The following TRAPPC9 variants were observed in gnomAD, a reference collection of about 807,000 sequenced individuals.
The protein encoded by TRAPPC9 is trafficking protein particle complex subunit 9.
TRAPPC9 carries 83 observed loss-of-function variants against 124.0 expected under a neutral mutation model. That is an observed-to-expected ratio of 0.67 (90% CI 0.56 to 0.80). The LOEUF (loss-of-function observed/expected upper bound fraction) is 0.80, where lower values mean the gene tolerates loss of function less well. TRAPPC9 is among the 30% of genes least tolerant of loss of function. The pLI is 0.00. For missense variants in TRAPPC9, 1,302 were observed against 1,508.3 expected, an observed-to-expected ratio of 0.86 and a Z score of 2.27; for synonymous variants, 638 against 617.5, an observed-to-expected ratio of 1.03 and a Z score of -0.49.
At position 139,732,026 on chromosome 8, in the gene TRAPPC9, G is replaced by A. The variant is rs1467454222; in HGVS notation, c.3232C>T (p.His1078Tyr). The A allele has an allele frequency of 6.2e-7, 1 of 1,602,344 alleles. No individual in the cohort carries two copies. The highest frequency in any genetic ancestry group is 8.5e-7 in the Non-Finnish European group (1 of 1,174,362). ...GAGCCCACGAAGGAGACGGTGTCGT[G>A]CAGGTCGTAGTTGTGCACGCCGTTC... is the stretch of plus-strand genomic sequence containing the variant. ...HQNGVHNYDL[H>Y]DTVSFVGSST... Residue 1078 changes from histidine to tyrosine, a missense_variant, in exon 22 of 23, where the codon CAC becomes TAC. Coordinates refer to ENST00000438773, the MANE Select transcript of TRAPPC9 (RefSeq NM_001160372.4).
intron 7 of TRAPPC9, among the ~76,000 whole-genome samples, chr8:140,379,398 T>C (rs2068539052): frequency 6.6e-6 from 1 of 152,208 alleles, no homozygotes; most frequent in Non-Finnish European, 1.5e-5. Flanking sequence ...GTTTCCTGGC[T>C]CTTGTGAAGG....
intron 21 of TRAPPC9, among the ~76,000 whole-genome samples, chr8:139,807,603 C>T (rs1348132138): frequency 6.6e-6 from 1 of 152,194 alleles, no homozygotes; most frequent in Non-Finnish European, 1.5e-5. Context: ...CCGGCGGAGG[C>T]ACTGCGGACG....
intron 17 of TRAPPC9, among the ~76,000 whole-genome samples, chr8:140,157,146 CTTTTCCATTCAGAAGCCTCCCT>C (rs1563804555): frequency 3.0e-5 from 2 of 67,124 alleles, no homozygotes; most frequent in South Asian, 4.6e-4. Context: ...AGAAGCCTCC[CTTTTCCATTCAGAAGCCTCCCT>C]TTTCCATTCA....
At chr8:139,911,959 C>T (rs1199994878) in intron 19 of TRAPPC9, among the ~76,000 whole-genome samples, 3 of 152,046 alleles carry the variant, frequency 2.0e-5, no homozygotes, top group South Asian at 2.1e-4. Context: ...GCATGACATG[C>T]GGGGCTGAGC....
intron 7 of TRAPPC9, among the ~76,000 whole-genome samples, chr8:140,389,836 A>T (rs1463491338): frequency 6.7e-6 from 1 of 150,280 alleles, no homozygotes; most frequent in Non-Finnish European, 1.5e-5. Flanking sequence ...ATTTAACAAC[A>T]ATAACCAAAA....
intron 21 of TRAPPC9, among the ~76,000 whole-genome samples, chr8:139,777,835 C>G (rs930761853): frequency 1.3e-5 from 2 of 152,178 alleles, no homozygotes; most frequent in African/African-American, 4.8e-5. Flanking sequence ...ATCATCCCAG[C>G]TCATTGTGAC....
chr8:140,353,780 G>C lies in TRAPPC9; in HGVS notation c.1495+6270C>G, dbSNP rs970919996. ...TAGCATAGTAGAAGGTGGGTTTAAAGAGACAGAAGACATCATTCATTCAGC... is the reference window on the plus strand; with the variant it reads ...TAGCATAGTAGAAGGTGGGTTTAAACAGACAGAAGACATCATTCATTCAGC... On this transcript the variant is annotated intron_variant, in intron 9 of 22. Transcript: ENST00000438773. This position sits in a 1 kb window ranked among gnomAD's most constrained non-coding sequence, Gnocchi z 4.2. 6.6e-6 allele frequency among the ~76,000 whole-genome samples: 1 copy of C among 152,242 alleles called. No homozygotes were observed. The highest frequency in any genetic ancestry group is 2.4e-5 in the African/African-American group (1 of 41,466).
At chr8:140,046,278 C>T (rs973282242) in intron 17 of TRAPPC9, among the ~76,000 whole-genome samples, 2 of 152,260 alleles carry the variant, frequency 1.3e-5, no homozygotes, top group African/African-American at 4.8e-5. Context: ...GGCTATGAAA[C>T]CTTTTCTCTC....
chr8:139,945,543 C>CAAAAAAAAAAAAAAAAAAAAA (rs61528944), intron 19 of TRAPPC9, among the ~76,000 whole-genome samples: 2 of 66,168 alleles, frequency 3.0e-5, no homozygotes, highest in African/African-American at 6.9e-5. Flanking sequence ...GCACAATTAG[C>CAAAAAAAAAAAAAAAAAAAAA]AAAAAAAAAA....
chr8:140,413,509 CT>C (rs200188588), intron 5 of TRAPPC9, among the ~76,000 whole-genome samples: 2,532 of 136,732 alleles, frequency 0.019, 43 homozygotes, highest in Admixed American at 0.063. Flanking sequence ...AGAACAAAGT[CT>C]TTTTTTTTTT....
chr8:140,410,397 A>G (rs551296260), intron 5 of TRAPPC9, among the ~76,000 whole-genome samples: 7 of 152,038 alleles, frequency 4.6e-5, no homozygotes, highest in Non-Finnish European at 8.8e-5. Context: ...TTAGCCAGAC[A>G]TGGTGGCATG....
chr8:140,252,458 G>T lies in TRAPPC9; in HGVS notation c.2431+319C>A. 5.7e-6 allele frequency: 2 copies of T among 349,170 alleles called. No individual in the cohort carries two copies. Among genetic ancestry groups the T allele is most frequent in the African/African-American group, 2.1e-5 (1 of 47,966 alleles). 21.6% of individuals were successfully genotyped at this position (349,170 alleles called of 1,614,324 possible). A position where few individuals can be genotyped will look rare whatever the true frequency, so the allele number is the denominator to read the frequency against. ...ACTTTATCATCACAGCTAATTAGAT[G>T]TCTAAAGAATCACAGCAGTTATACT... On this transcript the variant is annotated intron_variant, in intron 16 of 22. Transcript: ENST00000438773. This position sits in a 1 kb window ranked among gnomAD's most constrained non-coding sequence, Gnocchi z 4.2.
At chr8:139,853,058 T>C (rs1827590186) in intron 21 of TRAPPC9, among the ~76,000 whole-genome samples, 1 of 152,180 alleles carries the variant, frequency 6.6e-6, no homozygotes, top group African/African-American at 2.4e-5. Flanking sequence ...TCCCAAGAAG[T>C]GTTCCGTGGT....
chr8:139,797,046 C>T (rs1195178393), intron 21 of TRAPPC9, among the ~76,000 whole-genome samples: 2 of 152,110 alleles, frequency 1.3e-5, no homozygotes, highest in Non-Finnish European at 2.9e-5. Context: ...TTATATTGCT[C>T]TTTGAAAAAA....
At chr8:140,440,323 C>CG (rs1190398511) in intron 2 of TRAPPC9, among the ~76,000 whole-genome samples, 6 of 152,024 alleles carry the variant, frequency 3.9e-5, no homozygotes, top group Admixed American at 1.3e-4. Flanking sequence ...CTGGCTAACA[C>CG]GGTGAAACCC....
At chr8:140,105,873 A>G (rs1000395810) in intron 17 of TRAPPC9, among the ~76,000 whole-genome samples, 6 of 152,182 alleles carry the variant, frequency 3.9e-5, no homozygotes, top group Non-Finnish European at 7.4e-5. Context: ...AGCGGGCAGC[A>G]CTACCAGGCT....
intron 21 of TRAPPC9, among the ~76,000 whole-genome samples, chr8:139,854,137 T>C (rs531901751): frequency 6.6e-6 from 1 of 152,334 alleles, no homozygotes; most frequent in East Asian, 1.9e-4. Context: ...TCACTCTCTA[T>C]CTGATTATCG....
chr8:140,343,814 A>G (rs2067261370), intron 9 of TRAPPC9, among the ~76,000 whole-genome samples: 1 of 152,178 alleles, frequency 6.6e-6, no homozygotes, highest in Non-Finnish European at 1.5e-5. Context: ...GTAAATTCTG[A>G]AGATTTTCTT....
chr8:139,835,925 C>A (rs1007601326), intron 21 of TRAPPC9, among the ~76,000 whole-genome samples: 1 of 152,172 alleles, frequency 6.6e-6, no homozygotes, highest in African/African-American at 2.4e-5. Context: ...TTATATATAT[C>A]TATATCTACC....
Sources: allele counts gnomAD v4.1 joint callset (sites outside exome capture counted in the v4.1 genomes callset), GRCh38; gene constraint gnomAD v4.1.1; non-coding constraint Gnocchi (gnomAD v3.1); transcripts MANE v1.5; gene names NCBI Gene and HGNC (gene_info 2026-07-23, HGNC 2026-07-21).